The following ADGRL2 variants were observed in gnomAD, a reference collection of about 807,000 sequenced individuals.
ADGRL2 encodes the protein adhesion G protein-coupled receptor L2, also known as calcium-independent alpha-latrotoxin receptor 2.
ADGRL2 carries 44 observed loss-of-function variants against 157.4 expected under a neutral mutation model. That is an observed-to-expected ratio of 0.28 (90% CI 0.22 to 0.36). The LOEUF (loss-of-function observed/expected upper bound fraction) is 0.36, where lower values mean the gene tolerates loss of function less well. Ranked by LOEUF, ADGRL2 falls within the 10% of genes least tolerant of loss-of-function variation. The pLI is 1.00. For synonymous variants in ADGRL2, 585 were observed against 624.7 expected, an observed-to-expected ratio of 0.94 and a Z score of 0.95; for missense variants, 1,510 against 1,768.9, an observed-to-expected ratio of 0.85 and a Z score of 2.63.
chr1:81,708,329 T>G lies in ADGRL2; in HGVS notation c.-143+8521T>G, dbSNP rs559968984. ...TTGGCTAGCTCATAATTTACCAAATTTAAGCATTTGTCAGGGTTATTTCCA... is the reference window on the plus strand; with the variant it reads ...TTGGCTAGCTCATAATTTACCAAATGTAAGCATTTGTCAGGGTTATTTCCA... On this transcript the variant is annotated intron_variant, in intron 1 of 20. Coordinates refer to the ADGRL2 transcript ENST00000359929. 3.3e-4 allele frequency among the ~76,000 whole-genome samples: 50 copies of G among 152,314 alleles called. 1 individual carries two copies. Among genetic ancestry groups the G allele is most frequent in the African/African-American group, 1.1e-3 (47 of 41,582 alleles).
chr1:81,424,740 A>G (rs1187368650), intron 1 of ADGRL2, among the ~76,000 whole-genome samples: 1 of 152,118 alleles, frequency 6.6e-6, no homozygotes, highest in Non-Finnish European at 1.5e-5. Context: ...AAACCACTTA[A>G]TGTTTTTATT....
chr1:81,661,113 T>C (rs1193355971), intron 3 of ADGRL2, among the ~76,000 whole-genome samples: 1 of 152,226 alleles, frequency 6.6e-6, no homozygotes, highest in Non-Finnish European at 1.5e-5. Context: ...TTACTTTCTT[T>C]ATTGCTATAA....
At chr1:81,713,586 C>CA (rs2084009769) in intron 1 of ADGRL2, among the ~76,000 whole-genome samples, 1 of 152,182 alleles carries the variant, frequency 6.6e-6, no homozygotes, top group African/African-American at 2.4e-5. Context: ...CTTAAGTAAA[C>CA]TGCACAGCAA....
At chr1:81,760,744 G>A (rs1379735461) in intron 1 of ADGRL2, among the ~76,000 whole-genome samples, 1 of 149,912 alleles carries the variant, frequency 6.7e-6, no homozygotes, top group Admixed American at 6.6e-5. Flanking sequence ...TTAGCAGATT[G>A]ATGAGTTATA....
intron 3 of ADGRL2, among the ~76,000 whole-genome samples, chr1:81,652,154 AC>A (rs1264444256): frequency 1.3e-5 from 2 of 152,254 alleles, no homozygotes; most frequent in African/African-American, 2.4e-5. Context: ...CAATAAAAAA[AC>A]AGCAAGAATA....
At chr1:81,497,028 AAAAG>A (rs2078745276) in intron 2 of ADGRL2, among the ~76,000 whole-genome samples, 1 of 152,196 alleles carries the variant, frequency 6.6e-6, no homozygotes, top group Admixed American at 6.5e-5. Flanking sequence ...CACATAATGG[AAAAG>A]AAAGAACACA....
At chr1:81,541,586 T>C (rs1446278124) in intron 2 of ADGRL2, among the ~76,000 whole-genome samples, 2 of 152,134 alleles carry the variant, frequency 1.3e-5, no homozygotes, top group African/African-American at 4.8e-5. Context: ...ACTGATTAAA[T>C]TTCAAATAAG....
chr1:81,520,623 C>T (rs902222000), intron 2 of ADGRL2, among the ~76,000 whole-genome samples: 23 of 152,222 alleles, frequency 1.5e-4, no homozygotes, highest in African/African-American at 5.3e-4. Context: ...GACAGTTCCT[C>T]CTTCAGACTC....
At chr1:81,420,967 C>T (rs2101540439) in intron 1 of ADGRL2, among the ~76,000 whole-genome samples, 1 of 152,272 alleles carries the variant, frequency 6.6e-6, no homozygotes, top group East Asian at 1.9e-4. Context: ...TGCTCTTAAC[C>T]ATCATGCAGT....
At chr1:81,437,603 A>G (rs985683662) in intron 1 of ADGRL2, among the ~76,000 whole-genome samples, 1 of 152,174 alleles carries the variant, frequency 6.6e-6, no homozygotes, top group African/African-American at 2.4e-5. Flanking sequence ...CATTTCTTTG[A>G]TAATTGCCCT....
intron 2 of ADGRL2, among the ~76,000 whole-genome samples, chr1:81,475,046 T>G (rs2078244258): frequency 6.6e-6 from 1 of 152,180 alleles, no homozygotes; most frequent in Non-Finnish European, 1.5e-5. Flanking sequence ...TCATCACAAT[T>G]CGTTCCTTAG....
At chr1:81,341,383 C>T (rs1346159096) in intron 1 of ADGRL2, among the ~76,000 whole-genome samples, 1 of 151,200 alleles carries the variant, frequency 6.6e-6, no homozygotes, top group Non-Finnish European at 1.5e-5. Flanking sequence ...GTGGCCTCTT[C>T]AAAAAGGGCA....
In ADGRL2 at chr1:81,801,085, G is replaced by T. The variant is rs1251373240; in HGVS notation, c.-101+17G>T. 7.2e-5 allele frequency among the ~76,000 whole-genome samples: 11 copies of T among 152,018 alleles called. No individual in the cohort carries two copies. Among genetic ancestry groups the T allele is most frequent in the African/African-American group, 1.7e-4 (7 of 41,448 alleles). On this transcript the variant is annotated intron_variant, in intron 1 of 23. Coordinates refer to ENST00000686636, the MANE Select transcript of ADGRL2 (RefSeq NM_001366006.2). ...CTCGAGCCCGTAAGTATCCCCTTTC[G>T]CTCCTCCTCCCCGCCGCTTGGGCGC... is the stretch of plus-strand genomic sequence containing the variant.
intron 2 of ADGRL2, among the ~76,000 whole-genome samples, chr1:81,481,989 C>T (rs1371233359): frequency 6.6e-6 from 1 of 152,200 alleles, no homozygotes; most frequent in Non-Finnish European, 1.5e-5. Flanking sequence ...ATTGTGTCCA[C>T]AACTGCTCTC....
Position 81,955,952 on chromosome 1 carries a change from C to A in ADGRL2, c.1909C>A (p.Gln637Lys), listed in dbSNP as rs1653376771. The change falls in exon 11 of 24, where the codon CAA (glutamine) becomes AAA (lysine). Residue 637 changes from glutamine (Q) to lysine (K), a missense_variant. Physicochemically the swap from Gln to Lys is moderately conservative, Grantham distance 53. Coordinates refer to ENST00000686636, the MANE Select transcript of ADGRL2 (RefSeq NM_001366006.2). Reference sequence around the variant, plus strand: ...ATGGAAACATATGAATTCTTCTGAACAAGCACATACTGCAACAATGTTACT... The same window carrying A: ...ATGGAAACATATGAATTCTTCTGAAAAAGCACATACTGCAACAATGTTACT... ...ESWKHMNSSE[Q>K]AHTATMLLDT... The A allele has an allele frequency of 6.2e-7, 1 of 1,609,610 alleles. No individual in the cohort carries two copies.
chr1:81,407,185 GT>G (rs1363872933), intron 1 of ADGRL2, among the ~76,000 whole-genome samples: 1 of 152,180 alleles, frequency 6.6e-6, no homozygotes, highest in Non-Finnish European at 1.5e-5. Context: ...TGTTTGACAT[GT>G]GGAGATATTT....
At chr1:81,721,447 C>T (rs1334915734) in intron 1 of ADGRL2, among the ~76,000 whole-genome samples, 2 of 152,094 alleles carry the variant, frequency 1.3e-5, no homozygotes, top group Non-Finnish European at 2.9e-5. Context: ...AATTTATTGG[C>T]TTTTGTAAGT....
At chr1:81,440,265 T>C (rs1297753306) in intron 1 of ADGRL2, among the ~76,000 whole-genome samples, 2 of 152,112 alleles carry the variant, frequency 1.3e-5, no homozygotes, top group Non-Finnish European at 2.9e-5. Flanking sequence ...GAAGGTGGGG[T>C]TTCACCGGGT....
intron 1 of ADGRL2, among the ~76,000 whole-genome samples, chr1:81,315,180 T>C (rs1216634220): frequency 6.6e-6 from 1 of 152,132 alleles, no homozygotes; most frequent in African/African-American, 2.4e-5. Context: ...CTGTCATTCA[T>C]AATCAAAAAA....
Sources: gnomAD v4.1 joint callset for allele counts (sites outside exome capture counted in the v4.1 genomes callset) on GRCh38, gnomAD v4.1.1 for gene constraint, MANE v1.5 for transcripts, NCBI Gene and HGNC (gene_info 2026-07-23, HGNC 2026-07-21) for gene names.